CACHD1: variants seen among roughly 807,000 people sequenced by gnomAD.
The protein encoded by CACHD1 is cache domain containing 1, also known as VWFA and cache domain-containing protein 1.
CACHD1 carries 71 observed loss-of-function variants against 138.7 expected under a neutral mutation model. The observed-to-expected ratio is 0.51, with a 90% confidence interval of 0.42 to 0.62. The LOEUF (loss-of-function observed/expected upper bound fraction) is 0.62. Ranked by LOEUF, CACHD1 falls within the 20% of genes least tolerant of loss-of-function variation. The pLI is 0.00. For missense variants in CACHD1, 1,389 were observed against 1,625.3 expected (o/e 0.85, Z 2.50); for synonymous variants, 578 against 591.5 (o/e 0.98, Z 0.33).
chr1:64,561,731 G>T (rs1055110249), intron 2 of CACHD1, among the ~76,000 whole-genome samples: 4 of 151,158 alleles, frequency 2.6e-5, no homozygotes, highest in Non-Finnish European at 5.9e-5. Flanking sequence ...GGTGGCACAT[G>T]CCTGTAGTCC....
At chr1:64,481,554 A>T (rs905135166) in intron 1 of CACHD1, among the ~76,000 whole-genome samples, 1 of 152,210 alleles carries the variant, frequency 6.6e-6, no homozygotes, top group Non-Finnish European at 1.5e-5. Flanking sequence ...CAAGTATGGA[A>T]TAGCAAGGTG....
chr1:64,509,828 A>T (rs1318304892), intron 1 of CACHD1, among the ~76,000 whole-genome samples: 2 of 152,224 alleles, frequency 1.3e-5, no homozygotes, highest in East Asian at 3.9e-4. Flanking sequence ...AGAGACAATG[A>T]TTCTCAAACG....
At chr1:64,591,758 T>C (rs1438757308) in intron 3 of CACHD1, among the ~76,000 whole-genome samples, 1 of 152,206 alleles carries the variant, frequency 6.6e-6, no homozygotes, top group Non-Finnish European at 1.5e-5. Context: ...GGATGTTGGC[T>C]CCTACTTCTT....
intron 1 of CACHD1, among the ~76,000 whole-genome samples, chr1:64,497,348 A>G (rs1381974700): frequency 6.6e-6 from 1 of 152,178 alleles, no homozygotes; most frequent in Non-Finnish European, 1.5e-5. Flanking sequence ...CAGGCCTTGC[A>G]TCTGCTTATT....
At chr1:64,603,502 T>C (rs12754428) in intron 4 of CACHD1, among the ~76,000 whole-genome samples, 17,969 of 152,198 alleles carry the variant, frequency 0.12, 1,139 homozygotes, top group Admixed American at 0.18. Context: ...ATTTTACATC[T>C]GTTATTTTAA....
At chr1:64,493,633 C>G (rs991408200) in intron 1 of CACHD1, among the ~76,000 whole-genome samples, 11 of 152,182 alleles carry the variant, frequency 7.2e-5, no homozygotes, top group Non-Finnish European at 1.6e-4. Flanking sequence ...AGATACCAAA[C>G]GGCTCAACCC....
At chr1:64,641,370 T>C (rs915036256) in intron 7 of CACHD1, among the ~76,000 whole-genome samples, 3 of 152,216 alleles carry the variant, frequency 2.0e-5, no homozygotes, top group Non-Finnish European at 2.9e-5. Context: ...AATAACATTA[T>C]GTGCCTGAAG....
At chr1:64,651,476 A>G (rs1416439519) in intron 9 of CACHD1, among the ~76,000 whole-genome samples, 1 of 152,182 alleles carries the variant, frequency 6.6e-6, no homozygotes, top group East Asian at 1.9e-4. Context: ...TCAGTAAAGC[A>G]GTTAATGCTG....
At chr1:64,657,238 A>G (rs994956962) in intron 12 of CACHD1, among the ~76,000 whole-genome samples, 1 of 152,224 alleles carries the variant, frequency 6.6e-6, no homozygotes, top group African/African-American at 2.4e-5. Flanking sequence ...CCCAACCCAT[A>G]GAGAGCCCTT....
Position 64,571,893 on chromosome 1 carries a change from A to C in CACHD1, c.262-10263A>C, listed in dbSNP as rs534362867. On this transcript the variant is annotated intron_variant, in intron 2 of 26. Transcript: ENST00000651257. ...GAGAGTCTGGGCTCTGTGAAATTTC[A>C]GGTTCCCAGAGCCTTTCTGACCTAT... 2.0e-5 allele frequency among the ~76,000 whole-genome samples: 3 copies of C among 152,328 alleles called. No individual in the cohort carries two copies. In the East Asian group the frequency reaches 5.8e-4, roughly 29 times the overall value.
chr1:64,531,776 A>T (rs1375005026), intron 1 of CACHD1, among the ~76,000 whole-genome samples: 4 of 152,206 alleles, frequency 2.6e-5, no homozygotes, highest in Admixed American at 6.5e-5. Context: ...GTGTTTATAC[A>T]CTGACGGGTT....
At chr1:64,663,965 A>T (rs1282528343) in intron 14 of CACHD1, 128 bp downstream of exon 14, 3 of 1,241,344 alleles carry the variant, frequency 2.4e-6, no homozygotes, top group South Asian at 2.9e-5. Flanking sequence ...AGAGCTGCAG[A>T]GTGTGTGGCC....
At chr1:64,597,166 G>GTGAATCAAC (rs1647160008) in intron 3 of CACHD1, among the ~76,000 whole-genome samples, 2 of 152,162 alleles carry the variant, frequency 1.3e-5, no homozygotes, top group Non-Finnish European at 2.9e-5. Flanking sequence ...GATTTACACT[G>GTGAATCAAC]TGAATCGAGG....
chr1:64,647,916 G>T lies in CACHD1; in HGVS notation c.1272G>T (p.Met424Ile). The change falls in exon 9 of 27, where the codon ATG becomes ATT. Residue 424 changes from methionine (M) to isoleucine (I), a missense_variant. Physicochemically the swap from Met to Ile is conservative, Grantham distance 10 (BLOSUM62 1). Coordinates refer to ENST00000651257, the MANE Select transcript of CACHD1 (RefSeq NM_020925.4). Reference sequence around the variant, plus strand: ...TGCCTGTGATTAAGGGCAGCATGATGGTGCTGAATCAGTTGAGCAACCTGG... The same window carrying T: ...TGCCTGTGATTAAGGGCAGCATGATTGTGCTGAATCAGTTGAGCAACCTGG... ...MALPVIKGSMMVLNQLSNLET... is the reference protein window; with the variant it reads ...MALPVIKGSMIVLNQLSNLET... 1 of 1,614,110 alleles carries T rather than the reference G, an allele frequency of 6.2e-7. No individual in the cohort carries two copies. The highest frequency in any genetic ancestry group is 8.5e-7 in the Non-Finnish European group (1 of 1,179,978).
At chr1:64,567,421 G>T (rs531627290) in intron 2 of CACHD1, among the ~76,000 whole-genome samples, 1 of 152,010 alleles carries the variant, frequency 6.6e-6, no homozygotes, top group African/African-American at 2.4e-5. Context: ...CATATAAATC[G>T]TGTTGCATTT....
intron 1 of CACHD1, among the ~76,000 whole-genome samples, chr1:64,497,196 C>T (rs1646311085): frequency 6.6e-6 from 1 of 152,054 alleles, no homozygotes; most frequent in Non-Finnish European, 1.5e-5. Flanking sequence ...GAGCTTTTTT[C>T]TTTCTGCCAA....
chr1:64,476,840 G>A (rs781525980), intron 1 of CACHD1, among the ~76,000 whole-genome samples: 9 of 152,192 alleles, frequency 5.9e-5, no homozygotes, highest in Non-Finnish European at 1.3e-4. Flanking sequence ...GTAACATGTT[G>A]CTGCTATTTC....
chr1:64,479,331 G>A (rs1646195657), intron 1 of CACHD1, among the ~76,000 whole-genome samples: 1 of 152,190 alleles, frequency 6.6e-6, no homozygotes, highest in Non-Finnish European at 1.5e-5. Flanking sequence ...GGTTCAGGAT[G>A]CTTGGAGAAA....
intron 26 of CACHD1, among the ~76,000 whole-genome samples, chr1:64,683,957 A>G (rs186413599): frequency 1.8e-3 from 275 of 152,304 alleles, no homozygotes; most frequent in Non-Finnish European, 2.7e-3. Flanking sequence ...TCATCTGTGT[A>G]TGCTCTACTC....
Sources: gnomAD v4.1 joint callset for allele counts (sites outside exome capture counted in the v4.1 genomes callset) on GRCh38, gnomAD v4.1.1 for gene constraint, MANE v1.5 for transcripts, NCBI Gene and HGNC (gene_info 2026-07-23, HGNC 2026-07-21) for gene names.